Variants in CDH18 observed in about 807,000 individuals in gnomAD.
The protein encoded by CDH18 is cadherin 18.
Under a neutral mutation model 67.9 loss-of-function variants are expected in CDH18, and 31 were observed. The observed-to-expected ratio is 0.46, with a 90% CI of 0.34 to 0.62. The LOEUF is 0.62. Ranked by LOEUF, CDH18 falls within the 20% of genes least tolerant of loss-of-function variation. The pLI is 0.01. For missense variants in CDH18, 890 were observed against 975.5 expected, an observed-to-expected ratio of 0.91 and a Z score of 1.17; for synonymous variants, 362 against 347.2, an observed-to-expected ratio of 1.04 and a Z score of -0.48.
At chr5:20,522,368 G>A (rs1486875591) in intron 1 of CDH18, among the ~76,000 whole-genome samples, 2 of 152,128 alleles carry the variant, frequency 1.3e-5, no homozygotes, top group Admixed American at 6.6e-5. Flanking sequence ...TTTTAAGACA[G>A]CAATTGCTAT....
intron 5 of CDH18, among the ~76,000 whole-genome samples, chr5:19,702,145 T>G (rs1561088636): frequency 3.5e-5 from 2 of 56,440 alleles, no homozygotes; most frequent in African/African-American, 1.1e-4. Context: ...TTTCTTTCTC[T>G]CTCTTTTTTT....
intron 3 of CDH18, among the ~76,000 whole-genome samples, chr5:19,753,318 T>A (rs764330252): frequency 3.9e-5 from 6 of 152,100 alleles, no homozygotes; most frequent in Non-Finnish European, 7.4e-5. Context: ...AAATAGTCAA[T>A]GAAATAGATT....
At chr5:20,221,645 A>G (rs924819293) in intron 2 of CDH18, among the ~76,000 whole-genome samples, 8 of 152,130 alleles carry the variant, frequency 5.3e-5, no homozygotes, top group African/African-American at 1.9e-4. Context: ...ACAAAGAAAG[A>G]ATACATTCTT....
At chr5:20,300,309 T>TGTGTGC (rs1480809960) in intron 1 of CDH18, among the ~76,000 whole-genome samples, 128 of 146,078 alleles carry the variant, frequency 8.8e-4, no homozygotes, top group African/African-American at 3.0e-3. Context: ...TGTGCGTGTG[T>TGTGTGC]GTGTGTGTGT....
At chr5:20,411,671 A>G (rs1746788906) in intron 1 of CDH18, among the ~76,000 whole-genome samples, 1 of 152,020 alleles carries the variant, frequency 6.6e-6, no homozygotes, top group Non-Finnish European at 1.5e-5. Flanking sequence ...AAAAACAGGC[A>G]AAGAATTGTT....
At chr5:20,029,979 A>G (rs1739241830) in intron 2 of CDH18, among the ~76,000 whole-genome samples, 1 of 152,154 alleles carries the variant, frequency 6.6e-6, no homozygotes, top group South Asian at 2.1e-4. Flanking sequence ...ATGTAGTTGT[A>G]GGATTGAGGT....
At chr5:20,361,035 G>T (rs1425225728) in intron 1 of CDH18, among the ~76,000 whole-genome samples, 1 of 151,854 alleles carries the variant, frequency 6.6e-6, no homozygotes, top group Non-Finnish European at 1.5e-5. Flanking sequence ...CATATAAATA[G>T]AATATGTATT....
intron 1 of CDH18, among the ~76,000 whole-genome samples, chr5:20,378,036 T>A (rs558390846): frequency 6.6e-6 from 1 of 152,318 alleles, no homozygotes; most frequent in Non-Finnish European, 1.5e-5. Context: ...TGAAGTGTCA[T>A]CTGATCATTT....
At chr5:19,955,671 A>T (rs1205266075) in intron 2 of CDH18, among the ~76,000 whole-genome samples, 2 of 152,128 alleles carry the variant, frequency 1.3e-5, no homozygotes, top group Non-Finnish European at 2.9e-5. Flanking sequence ...GTTGCTAAAG[A>T]ATTTAATGAA....
intron 2 of CDH18, among the ~76,000 whole-genome samples, chr5:19,882,391 T>A (rs1579411661): frequency 6.6e-6 from 1 of 152,308 alleles, no homozygotes; most frequent in East Asian, 1.9e-4. Flanking sequence ...TAAGCCACAT[T>A]ACCTTGTGGC....
chr5:20,518,445 T>G lies in CDH18; in HGVS notation c.-580+57017A>C, dbSNP rs116859568. On this transcript the variant is annotated intron_variant, in intron 1 of 14. Coordinates refer to the CDH18 transcript ENST00000507958. ...CCCAAGTATGATTATGTGGGCTCCC[T>G]TTTTGGTTCCTCTCTGAACTTGACT... 3.4e-4 allele frequency among the ~76,000 whole-genome samples: 51 copies of G among 152,220 alleles called. 1 individual carries two copies. The East Asian group carries it at 9.7e-3, about 29-fold the overall frequency.
intron 1 of CDH18, among the ~76,000 whole-genome samples, chr5:20,442,965 T>C (rs1255680059): frequency 6.6e-6 from 1 of 151,422 alleles, no homozygotes; most frequent in Non-Finnish European, 1.5e-5. Context: ...ATCCCAGCAC[T>C]TTGGGAGGCC....
chr5:19,677,761 A>C (rs532362675), intron 5 of CDH18, among the ~76,000 whole-genome samples: 12 of 152,018 alleles, frequency 7.9e-5, no homozygotes, highest in South Asian at 6.2e-4. Context: ...GTTAGCAAAG[A>C]TATTTGAGAC....
In CDH18 at chr5:20,194,680, G is replaced by T. The variant is rs1738828214; in HGVS notation, c.-518+60764C>A. Among the ~76,000 whole-genome samples, 3 of 151,300 alleles carry T rather than the reference G, an allele frequency of 2.0e-5. No individual in the cohort carries two copies. In the South Asian group the frequency reaches 6.2e-4, roughly 31 times the overall value. On this transcript the variant is annotated intron_variant, in intron 2 of 14. Transcript: ENST00000507958. The stretch of plus-strand genomic sequence containing the variant: ...GTAATTTTTTTTTTTAAAAAGAATG[G>T]TTTTGCATCTTGACCATCTAGATGT...
chr5:20,572,782 A>ATGAG (rs753854582), intron 1 of CDH18, among the ~76,000 whole-genome samples: 2 of 152,130 alleles, frequency 1.3e-5, no homozygotes, highest in South Asian at 2.1e-4. Context: ...AATGGCTAAA[A>ATGAG]TGAGTAATCA....
chr5:20,460,048 A>G (rs995016701), intron 1 of CDH18, among the ~76,000 whole-genome samples: 3 of 152,124 alleles, frequency 2.0e-5, no homozygotes, highest in Non-Finnish European at 4.4e-5. Context: ...AACCAATGTA[A>G]TATTCTGTAG....
intron 2 of CDH18, among the ~76,000 whole-genome samples, chr5:19,877,465 A>G (rs938879268): frequency 1.3e-5 from 2 of 152,156 alleles, no homozygotes; most frequent in African/African-American, 4.8e-5. Context: ...TATTATAGGC[A>G]CATAAAAGTA....
chr5:19,962,395 A>AACAAAAAAAAAAAAAAAAAAAAAAT (rs58319680), intron 2 of CDH18, among the ~76,000 whole-genome samples: 1 of 117,058 alleles, frequency 8.5e-6, no homozygotes, highest in Non-Finnish European at 1.7e-5. Context: ...AAAAAAAAAA[A>AACAAAAAAAAAAAAAAAAAAAAAAT]AGAAAATTCA....
intron 1 of CDH18, among the ~76,000 whole-genome samples, chr5:20,279,429 T>G (rs1245250227): frequency 6.6e-6 from 1 of 152,002 alleles, no homozygotes; most frequent in African/African-American, 2.4e-5. Context: ...CTGGGCACCG[T>G]GGCTCATGCC....
Sources: allele counts gnomAD v4.1 joint callset (sites outside exome capture counted in the v4.1 genomes callset), GRCh38; gene constraint gnomAD v4.1.1; transcripts MANE v1.5; gene names NCBI Gene and HGNC (gene_info 2026-07-23, HGNC 2026-07-21).